CSMD1: variants seen among roughly 807,000 people sequenced by gnomAD.
CSMD1 encodes CUB and sushi domain-containing protein 1.
In CSMD1, 213 loss-of-function variants were observed where a neutral mutation model predicts 417.5. That is an observed-to-expected ratio of 0.51 (90% CI 0.46 to 0.57). The LOEUF (loss-of-function observed/expected upper bound fraction) is 0.57, where lower values mean the gene tolerates loss of function less well. Ranked by LOEUF, CSMD1 falls within the 20% of genes least tolerant of loss-of-function variation. The pLI, the probability that CSMD1 is intolerant of heterozygous loss-of-function variation, is 0.00. For missense variants in CSMD1, 6,923 were observed against 4,529.7 expected (o/e 1.53, Z -15.17); for synonymous variants, 2,862 against 1,736.8 (o/e 1.65, Z -16.11).
At chr8:4,571,875 G>T (rs1030257463) in intron 2 of CSMD1, among the ~76,000 whole-genome samples, 2 of 152,122 alleles carry the variant, frequency 1.3e-5, no homozygotes, top group Non-Finnish European at 2.9e-5. Context: ...TTACCATTAT[G>T]TAATGCCCTT....
intron 5 of CSMD1, among the ~76,000 whole-genome samples, chr8:3,773,198 G>T (rs568587309): frequency 6.6e-6 from 1 of 152,192 alleles, no homozygotes; most frequent in South Asian, 2.1e-4. Flanking sequence ...ACATTTAGAC[G>T]ATGGCATGTA....
At chr8:4,934,016 A>G (rs1237515861) in intron 1 of CSMD1, among the ~76,000 whole-genome samples, 2 of 151,066 alleles carry the variant, frequency 1.3e-5, no homozygotes, top group African/African-American at 2.4e-5. Flanking sequence ...TTAAAAAAAA[A>G]TGAAGGTTTT....
At chr8:4,579,351 C>T (rs891656384) in intron 2 of CSMD1, among the ~76,000 whole-genome samples, 4 of 150,936 alleles carry the variant, frequency 2.7e-5, no homozygotes, top group African/African-American at 7.3e-5. Flanking sequence ...TATACACACA[C>T]GTGTGTGTGT....
intron 1 of CSMD1, among the ~76,000 whole-genome samples, chr8:4,915,887 T>C (rs1363407024): frequency 2.6e-5 from 4 of 152,206 alleles, no homozygotes; most frequent in Non-Finnish European, 5.9e-5. Flanking sequence ...CAGCAAGCCA[T>C]AAGTGCCAGG....
At chr8:4,640,078 G>C (rs562686871) in intron 1 of CSMD1, among the ~76,000 whole-genome samples, 3 of 152,214 alleles carry the variant, frequency 2.0e-5, no homozygotes, top group Non-Finnish European at 4.4e-5. Flanking sequence ...CTGGAAAGTA[G>C]TTACTGTTAT....
At chr8:3,860,343 G>A (rs1040893128) in intron 5 of CSMD1, among the ~76,000 whole-genome samples, 1 of 151,978 alleles carries the variant, frequency 6.6e-6, no homozygotes, top group Non-Finnish European at 1.5e-5. Context: ...AGCAAGTATA[G>A]GGCAATTTCA....
Position 4,888,066 on chromosome 8 carries a change from T to C in CSMD1, c.85+106266A>G, listed in dbSNP as rs34768116. The stretch of plus-strand genomic sequence containing the variant: ...CACTTCTAGGAATTTACTCTGAAGA[T>C]AAACTTTCAACAATGTAAAAATACA... On this transcript the variant is annotated intron_variant, in intron 1 of 69. Coordinates refer to ENST00000635120, the MANE Select transcript of CSMD1 (RefSeq NM_033225.6). Among the ~76,000 whole-genome samples, 642 of 152,206 alleles carry C rather than the reference T, an allele frequency of 4.2e-3. 4 individuals are homozygous for C. The highest frequency in any genetic ancestry group is 7.2e-3 in the Non-Finnish European group (489 of 68,000).
intron 1 of CSMD1, among the ~76,000 whole-genome samples, chr8:4,664,161 T>C (rs892657696): frequency 1.3e-5 from 2 of 152,296 alleles, no homozygotes; most frequent in Non-Finnish European, 2.9e-5. Flanking sequence ...AGAGAGATAC[T>C]CTCCCTGCGC....
chr8:4,738,680 A>G (rs920341544), intron 1 of CSMD1, among the ~76,000 whole-genome samples: 27 of 152,164 alleles, frequency 1.8e-4, no homozygotes, highest in African/African-American at 6.5e-4. Context: ...AGTAAAAAAA[A>G]TCAGTATATT....
At chr8:4,853,743 A>G (rs1275035541) in intron 1 of CSMD1, among the ~76,000 whole-genome samples, 1 of 152,162 alleles carries the variant, frequency 6.6e-6, no homozygotes, top group African/African-American at 2.4e-5. Flanking sequence ...TCGTCATGGA[A>G]AAGTCATAGG....
At chr8:4,882,079 T>A (rs1585257915) in intron 1 of CSMD1, among the ~76,000 whole-genome samples, 1 of 152,034 alleles carries the variant, frequency 6.6e-6, no homozygotes, top group Non-Finnish European at 1.5e-5. Context: ...AAAGTACGAA[T>A]AATAAGCCCT....
At position 4,471,319 on chromosome 8, in the gene CSMD1, G is replaced by A. The variant is rs182495681; in HGVS notation, c.303-51254C>T. On this transcript the variant is annotated intron_variant, in intron 2 of 69. Transcript: ENST00000635120. ...AACAGGTTGGTAAAAAGCTGGAAAA[G>A]GCAATAGTGATCACTATATCGCAGC... Among the ~76,000 whole-genome samples, 11 of 152,208 alleles carry A rather than the reference G, an allele frequency of 7.2e-5. No individual in the cohort carries two copies. In the East Asian group the frequency reaches 7.7e-4, roughly 11 times the overall value.
chr8:3,515,711 T>C (rs1005316438), intron 10 of CSMD1, among the ~76,000 whole-genome samples: 1 of 152,172 alleles, frequency 6.6e-6, no homozygotes, highest in African/African-American at 2.4e-5. Flanking sequence ...AAATGAAGAA[T>C]GTTATTCAGC....
At chr8:3,622,485 G>C (rs1424255750) in intron 7 of CSMD1, among the ~76,000 whole-genome samples, 2 of 152,154 alleles carry the variant, frequency 1.3e-5, no homozygotes, top group African/African-American at 4.8e-5. Flanking sequence ...TAAAAGAAAT[G>C]GCAGAAATTG....
chr8:4,761,903 CTATCTATCAATCTAT>C (rs1563319604), intron 1 of CSMD1, among the ~76,000 whole-genome samples: 61 of 98,218 alleles, frequency 6.2e-4, no homozygotes, highest in South Asian at 2.5e-3. Flanking sequence ...ACCTATCTAT[CTATCTATCAATCTAT>C]CTATCTATCT....
intron 3 of CSMD1, among the ~76,000 whole-genome samples, chr8:4,241,591 G>A (rs1000737249): frequency 5.3e-5 from 8 of 152,072 alleles, no homozygotes; most frequent in Admixed American, 2.6e-4. Flanking sequence ...CTAAATACCC[G>A]GAACACAAGT....
chr8:3,052,719 G>T, intron 49 of CSMD1, 72 bp from the exon 50 acceptor site: 2 of 1,064,786 alleles, frequency 1.9e-6, no homozygotes, highest in Non-Finnish European at 2.6e-6. Context: ...ACCATTGATT[G>T]ATTAATCATT....
chr8:3,892,715 G>GTTTT (rs35178951), intron 5 of CSMD1, among the ~76,000 whole-genome samples: 5 of 107,054 alleles, frequency 4.7e-5, no homozygotes, highest in Non-Finnish European at 7.6e-5. Context: ...ATTTAGGCAG[G>GTTTT]TTTTTTTTTT....
At chr8:4,711,834 C>T (rs1170068269) in intron 1 of CSMD1, among the ~76,000 whole-genome samples, 1 of 152,100 alleles carries the variant, frequency 6.6e-6, no homozygotes, top group African/African-American at 2.4e-5. Context: ...AAGTAGTTTT[C>T]TTCTATCATA....
Sources: allele counts gnomAD v4.1 joint callset (sites outside exome capture counted in the v4.1 genomes callset), GRCh38; gene constraint gnomAD v4.1.1; transcripts MANE v1.5; gene names NCBI Gene and HGNC (gene_info 2026-07-23, HGNC 2026-07-21).